PCDH11X: variants seen among roughly 807,000 people sequenced by gnomAD.
The protein encoded by PCDH11X is protocadherin-11 X-linked.
In PCDH11X, 18 loss-of-function variants were observed where a neutral mutation model predicts 53.3. The ratio of observed to expected loss-of-function variants is 0.34; its 90% CI spans 0.23 to 0.50. The LOEUF (loss-of-function observed/expected upper bound fraction) is 0.50, where lower values mean the gene tolerates loss of function less well. Among genes scored for constraint, PCDH11X ranks in the 20% least tolerant of loss-of-function variants. PCDH11X has a pLI of 0.98. For synonymous variants in PCDH11X, 279 were observed against 393.3 expected (o/e 0.71, Z 3.44); for missense variants, 570 against 1,032.4 (o/e 0.55, Z 6.14).
intron 10 of PCDH11X, among the ~76,000 whole-genome samples, chrX:92,579,695 T>C (rs1188408432): frequency 4.5e-5 from 5 of 111,598 alleles, no homozygotes; most frequent in African/African-American, 1.3e-4. Context: ...ACATACGTCT[T>C]TAGCTCAGCA....
intron 6 of PCDH11X, among the ~76,000 whole-genome samples, chrX:91,901,636 G>A (rs1237142455): frequency 9.0e-6 from 1 of 110,878 alleles, no homozygotes; most frequent in East Asian, 2.8e-4. Context: ...TTTAATATTA[G>A]ACATTTTACT....
intron 10 of PCDH11X, among the ~76,000 whole-genome samples, chrX:92,522,283 A>G (rs4020621): frequency 9.0e-6 from 1 of 111,672 alleles, no homozygotes; most frequent in Non-Finnish European, 1.9e-5. Flanking sequence ...CCTGATTTCA[A>G]TATTGTTGTG....
At chrX:92,069,764 C>A in intron 6 of PCDH11X, among the ~76,000 whole-genome samples, 1 of 111,688 alleles carries the variant, frequency 9.0e-6, no homozygotes. Flanking sequence ...TCACTACAAC[C>A]TCCACCTCCT....
Position 92,618,836 on chromosome X carries a change from A to T in PCDH11X, c.3940A>T (p.Ser1314Cys). ...CACCATGTCTGAAAGACTTCATCCCAGTGATGATTCAATTAAAGTCATTCC... is the reference window on the plus strand; with the variant it reads ...CACCATGTCTGAAAGACTTCATCCCTGTGATGATTCAATTAAAGTCATTCC... Reference protein sequence around the residue: ...FYTMSERLHPSDDSIKVIPLT... With the variant: ...FYTMSERLHPCDDSIKVIPLT... The change falls in exon 11 of 11, where the codon AGT becomes TGT. Residue 1314 changes from serine to cysteine, a missense_variant. Ser to Cys is a moderately radical substitution (Grantham distance 112, BLOSUM62 -1). Transcript: ENST00000682573. 1 of 1,211,940 alleles carries T rather than the reference A, an allele frequency of 8.3e-7. No homozygotes were observed. The highest frequency in any genetic ancestry group is 1.1e-6 in the Non-Finnish European group (1 of 895,460).
intron 1 of PCDH11X, among the ~76,000 whole-genome samples, chrX:91,800,909 C>T (rs1002574280): frequency 1.9e-5 from 2 of 107,200 alleles, no homozygotes; most frequent in Non-Finnish European, 3.8e-5. Context: ...TATTGCTGGG[C>T]GCCCTGGGCC....
chrX:92,614,273 T>C (rs1258963750), intron 10 of PCDH11X, among the ~76,000 whole-genome samples: 1 of 111,431 alleles, frequency 9.0e-6, no homozygotes, highest in Non-Finnish European at 1.9e-5. Context: ...CACTTCTCAT[T>C]TTTGTAATTT....
chrX:91,927,568 G>A (rs1332163981), intron 6 of PCDH11X, among the ~76,000 whole-genome samples: 2 of 111,570 alleles, frequency 1.8e-5, no homozygotes, highest in Non-Finnish European at 3.8e-5. Context: ...TGACTCAGTT[G>A]TAAACAATGT....
intron 6 of PCDH11X, among the ~76,000 whole-genome samples, chrX:92,098,636 CTTTTTTTTTTTT>C (rs34306564): frequency 1.1e-4 from 5 of 43,904 alleles, no homozygotes; most frequent in Admixed American, 3.7e-4. Context: ...TCCAAATGCT[CTTTTTTTTTTTT>C]TTTTTTTTTT....
At chrX:92,481,305 A>G (rs1274353045) in intron 10 of PCDH11X, among the ~76,000 whole-genome samples, 1 of 108,345 alleles carries the variant, frequency 9.2e-6, no homozygotes, top group African/African-American at 3.4e-5. Context: ...CACACCCCAC[A>G]CACACACACC....
chrX:91,972,183 T>C (rs2061970539), intron 6 of PCDH11X, among the ~76,000 whole-genome samples: 1 of 103,541 alleles, frequency 9.7e-6, no homozygotes, highest in Admixed American at 1.1e-4. Flanking sequence ...TTGATTTGCA[T>C]TTCTCTGATG....
At chrX:92,387,621 A>G (rs2071037347) in intron 8 of PCDH11X, 114 bp from the exon 9 acceptor site, 2 of 1,144,991 alleles carry the variant, frequency 1.7e-6, no homozygotes, top group Admixed American at 2.5e-5. Flanking sequence ...ACAACTCAAG[A>G]TAATGTTAAT....
intron 6 of PCDH11X, among the ~76,000 whole-genome samples, chrX:92,036,616 A>T (rs1177019539): frequency 5.3e-4 from 57 of 108,044 alleles, no homozygotes; most frequent in Non-Finnish European, 9.4e-4. Flanking sequence ...TAAATTGTGC[A>T]GTCTTGGGTA....
At chrX:92,104,451 A>G (rs2064332147) in intron 6 of PCDH11X, among the ~76,000 whole-genome samples, 1 of 110,875 alleles carries the variant, frequency 9.0e-6, no homozygotes, top group Non-Finnish European at 1.9e-5. Context: ...GAATGCCTGG[A>G]CGTCAGGCAC....
At chrX:92,606,225 T>A in intron 10 of PCDH11X, among the ~76,000 whole-genome samples, 1 of 37,336 alleles carries the variant, frequency 2.7e-5, no homozygotes, top group Non-Finnish European at 4.1e-5. Flanking sequence ...AGAGGGAAAT[T>A]CCGTCTCAAA....
intron 9 of PCDH11X, among the ~76,000 whole-genome samples, chrX:92,408,546 C>A (rs4021149): frequency 4.5e-5 from 4 of 88,284 alleles, no homozygotes; most frequent in African/African-American, 1.7e-4. Flanking sequence ...TATTACTATT[C>A]TTTAAAGAAA....
At chrX:92,205,595 ATGT>A (rs1460354097) in intron 7 of PCDH11X, among the ~76,000 whole-genome samples, 1 of 76,103 alleles carries the variant, frequency 1.3e-5, no homozygotes, top group East Asian at 4.5e-4. Flanking sequence ...TGCTAAATCA[ATGT>A]TTTTTTTTTT....
intron 6 of PCDH11X, among the ~76,000 whole-genome samples, chrX:92,007,174 G>GC (rs2062612671): frequency 8.9e-6 from 1 of 111,870 alleles, no homozygotes; most frequent in Non-Finnish European, 1.9e-5. Context: ...AGCCAGCCAA[G>GC]CCTATGCTCT....
At chrX:92,099,893 C>A (rs2064207914) in intron 6 of PCDH11X, among the ~76,000 whole-genome samples, 1 of 110,734 alleles carries the variant, frequency 9.0e-6, no homozygotes. Context: ...GTAGTAATCT[C>A]AATAATTTCT....
chrX:92,124,785 G>A (rs2558184), intron 6 of PCDH11X, among the ~76,000 whole-genome samples: 2,724 of 109,948 alleles, frequency 0.025, 131 homozygotes, highest in African/African-American at 0.088. Flanking sequence ...ATGCAGACCA[G>A]ACAAAACATG....
Sources: gnomAD v4.1 joint callset for allele counts (sites outside exome capture counted in the v4.1 genomes callset) on GRCh38, gnomAD v4.1.1 for gene constraint, MANE v1.5 for transcripts, NCBI Gene and HGNC (gene_info 2026-07-23, HGNC 2026-07-21) for gene names.